The following CLEC16A variants were observed in gnomAD, a reference collection of about 807,000 sequenced individuals.
The protein encoded by CLEC16A is protein CLEC16A.
A neutral mutation model predicts 109.5 loss-of-function variants in CLEC16A; 51 were observed. That is an observed-to-expected ratio of 0.47 (90% CI 0.37 to 0.59). The LOEUF (loss-of-function observed/expected upper bound fraction) is 0.59, where lower values mean the gene tolerates loss of function less well. CLEC16A is among the 20% of genes least tolerant of loss of function. The pLI, the probability that CLEC16A is intolerant of heterozygous loss-of-function variation, is 0.00. For missense variants in CLEC16A, 1,339 were observed against 1,394.0 expected (o/e 0.96, Z 0.63); for synonymous variants, 673 against 564.2 (o/e 1.19, Z -2.73).
At chr16:10,945,483 G>A (rs1213832917) in intron 1 of CLEC16A, among the ~76,000 whole-genome samples, 1 of 152,170 alleles carries the variant, frequency 6.6e-6, no homozygotes, top group African/African-American at 2.4e-5. Context: ...TCTGGGGGAG[G>A]ACAGGTGGCA....
At chr16:11,146,809 C>A (rs2054078580) in intron 22 of CLEC16A, among the ~76,000 whole-genome samples, 1 of 152,036 alleles carries the variant, frequency 6.6e-6, no homozygotes, top group Non-Finnish European at 1.5e-5. Context: ...GCCAACAGAT[C>A]TTTAATCCCC....
intron 19 of CLEC16A, among the ~76,000 whole-genome samples, chr16:11,112,098 T>C (rs13332695): frequency 0.015 from 2,343 of 152,290 alleles, 40 homozygotes; most frequent in African/African-American, 0.053. Flanking sequence ...TCAGTGCCGA[T>C]GTGCCATCAG....
In CLEC16A at chr16:11,178,935, C is replaced by G. The variant is rs2068874080; in HGVS notation, c.*245C>G. On this transcript the variant is annotated 3_prime_UTR_variant, in exon 24 of 24. Coordinates refer to ENST00000409790, the MANE Select transcript of CLEC16A (RefSeq NM_015226.3). The surrounding 1 kb of genome is among the most constrained non-coding windows in gnomAD (Gnocchi z 6.5). ...GAGACACCGCGGCGAATGCAGATGA[C>G]TGCACCGGCCACTCAGGGAGCTGCC... 1 of 444,000 alleles carries G rather than the reference C, an allele frequency of 2.3e-6. No homozygotes were observed. Among genetic ancestry groups the G allele is most frequent in the Non-Finnish European group, 4.0e-6 (1 of 252,676 alleles). 27.5% of individuals were successfully genotyped at this position (444,000 alleles called of 1,614,324 possible).
At chr16:10,992,648 C>T (rs1596939459) in intron 10 of CLEC16A, among the ~76,000 whole-genome samples, 1 of 151,920 alleles carries the variant, frequency 6.6e-6, no homozygotes, top group South Asian at 2.1e-4. Context: ...GCAGAATGTG[C>T]TCCATCTGTG....
At chr16:11,047,371 C>T (rs199827761) in intron 17 of CLEC16A, 29 bp downstream of exon 17, 2 of 1,576,736 alleles carry the variant, frequency 1.3e-6, no homozygotes, top group Non-Finnish European at 1.7e-6. Context: ...CACACTTGGG[C>T]TGGTGTGCGC....
chr16:11,057,610 C>G (rs2048275733), intron 18 of CLEC16A, among the ~76,000 whole-genome samples: 1 of 152,210 alleles, frequency 6.6e-6, no homozygotes, highest in Non-Finnish European at 1.5e-5. Context: ...AGCTGTCATC[C>G]TTTTCAAAAT....
rs200842253 is a variant in CLEC16A, at chr16:11,166,517, C to T, written c.2771C>T (p.Ser924Leu). Reference protein sequence around the residue: ...TSHCDSGGTSSSSTPSTAQSP... With the variant: ...TSHCDSGGTSLSSTPSTAQSP... ...CACTGCGACTCTGGAGGCACCAGCTCGTCCTCCACCCCCTCCACAGCCCAG... is the reference window on the plus strand; with the variant it reads ...CACTGCGACTCTGGAGGCACCAGCTTGTCCTCCACCCCCTCCACAGCCCAG... Residue 924 changes from serine (S) to leucine (L), a missense_variant, in exon 23 of 24, where the codon TCG becomes TTG. By Grantham distance (145) the Ser-to-Leu change is moderately radical (BLOSUM62 -2). Coordinates refer to ENST00000409790, the MANE Select transcript of CLEC16A (RefSeq NM_015226.3). 88 of 1,608,126 alleles carry T rather than the reference C, an allele frequency of 5.5e-5. No individual in the cohort carries two copies. The East Asian group carries it at 6.0e-4, about 11-fold the overall frequency.
chr16:11,150,754 G>T lies in CLEC16A; in HGVS notation c.2642-15634G>T, dbSNP rs370780580. On this transcript the variant is annotated intron_variant, in intron 22 of 23. Transcript: ENST00000409790. Reference sequence around the variant, plus strand: ...AGAAATTGATTGTCTCACAGGTCTGGAGGGTAGAAGTGCAAAATCAAGGTA... The same window carrying T: ...AGAAATTGATTGTCTCACAGGTCTGTAGGGTAGAAGTGCAAAATCAAGGTA... 1.2e-4 allele frequency among the ~76,000 whole-genome samples: 19 copies of T among 152,304 alleles called. No homozygotes were observed. The South Asian group carries it at 2.1e-3, about 17-fold the overall frequency.
chr16:11,030,731 G>A (rs1250706428), intron 13 of CLEC16A, among the ~76,000 whole-genome samples: 1 of 152,088 alleles, frequency 6.6e-6, no homozygotes, highest in African/African-American at 2.4e-5. Flanking sequence ...TGCAACCTCC[G>A]CCTCCCAGGT....
chr16:11,177,746 C>T (rs937763504), intron 23 of CLEC16A, among the ~76,000 whole-genome samples: 7 of 152,096 alleles, frequency 4.6e-5, no homozygotes, highest in African/African-American at 1.4e-4. Context: ...TGAGGAACCA[C>T]AGCAGCCCCT....
chr16:11,163,105 C>G (rs143742620), intron 22 of CLEC16A, among the ~76,000 whole-genome samples: 15 of 152,354 alleles, frequency 9.8e-5, no homozygotes, highest in Middle Eastern at 6.8e-3. Flanking sequence ...CACCAAAAGC[C>G]TCTGGCACCT....
intron 7 of CLEC16A, among the ~76,000 whole-genome samples, chr16:10,975,602 G>C (rs564155270): frequency 6.6e-6 from 1 of 152,208 alleles, no homozygotes; most frequent in Non-Finnish European, 1.5e-5. Flanking sequence ...TCATTATACT[G>C]TTAGGCTTTA....
chr16:11,010,341 T>G (rs2045324345), intron 11 of CLEC16A, among the ~76,000 whole-genome samples: 1 of 152,204 alleles, frequency 6.6e-6, no homozygotes, highest in Non-Finnish European at 1.5e-5. Context: ...AGCACCTTTT[T>G]GTTTATTCAT....
At chr16:11,040,514 CTTT>C (rs781297913) in intron 14 of CLEC16A, 6 of 101,528 alleles carry the variant, frequency 5.9e-5, no homozygotes, top group Non-Finnish European at 9.3e-5. Flanking sequence ...TTTTTCTTTT[CTTT>C]TTTTTTTTTT....
intron 18 of CLEC16A, among the ~76,000 whole-genome samples, chr16:11,059,084 C>T (rs1174876307): frequency 6.6e-6 from 1 of 152,228 alleles, no homozygotes; most frequent in African/African-American, 2.4e-5. Context: ...CCCAGCTCAG[C>T]CACTTAGCAG....
intron 22 of CLEC16A, among the ~76,000 whole-genome samples, chr16:11,140,484 A>C (rs1000317592): frequency 2.0e-5 from 3 of 152,230 alleles, no homozygotes; most frequent in Non-Finnish European, 4.4e-5. Context: ...CCACGGGCTC[A>C]GCACAGTGGT....
chr16:11,031,828 G>A (rs1423980071), intron 13 of CLEC16A, among the ~76,000 whole-genome samples: 1 of 152,234 alleles, frequency 6.6e-6, no homozygotes, highest in Non-Finnish European at 1.5e-5. Flanking sequence ...ATCCGCCTGA[G>A]CAATCAGGAG....
At chr16:10,971,608 C>CT in intron 5 of CLEC16A, 1 of 790,314 alleles carries the variant, frequency 1.3e-6, no homozygotes, top group Admixed American at 6.2e-5. Flanking sequence ...GGTAATTTGA[C>CT]TTTTAAGTAA....
At chr16:11,095,316 G>A (rs914662439) in intron 19 of CLEC16A, among the ~76,000 whole-genome samples, 1 of 152,212 alleles carries the variant, frequency 6.6e-6, no homozygotes, top group Non-Finnish European at 1.5e-5. Flanking sequence ...CGGCTGGAAA[G>A]GCCCTCATAG....
Sources: allele counts gnomAD v4.1 joint callset (sites outside exome capture counted in the v4.1 genomes callset), GRCh38; gene constraint gnomAD v4.1.1; non-coding constraint Gnocchi (gnomAD v3.1); transcripts MANE v1.5; gene names NCBI Gene and HGNC (gene_info 2026-07-23, HGNC 2026-07-21).